Variants in MFHAS1 observed in about 807,000 individuals in gnomAD.
MFHAS1 encodes the protein malignant fibrous histiocytoma-amplified sequence 1.
Under a neutral mutation model 70.4 loss-of-function variants are expected in MFHAS1, and 50 were observed. The observed-to-expected ratio is 0.71, with a 90% CI of 0.57 to 0.90. The LOEUF (loss-of-function observed/expected upper bound fraction) is 0.90. MFHAS1 is among the 40% of genes least tolerant of loss of function. MFHAS1 has a pLI of 0.00. For missense variants in MFHAS1, 1,795 were observed against 1,347.6 expected (o/e 1.33, Z -5.20); for synonymous variants, 952 against 620.0 (o/e 1.54, Z -7.96).
At chr8:8,813,619 T>C (rs916773075) in intron 1 of MFHAS1, among the ~76,000 whole-genome samples, 2 of 152,074 alleles carry the variant, frequency 1.3e-5, no homozygotes, top group Non-Finnish European at 2.9e-5. Context: ...ACTCATACAA[T>C]AAGGATATAA....
intron 2 of MFHAS1, among the ~76,000 whole-genome samples, chr8:8,789,481 G>A (rs888013263): frequency 6.6e-6 from 1 of 152,142 alleles, no homozygotes; most frequent in Non-Finnish European, 1.5e-5. Context: ...CAGCCTGGGG[G>A]GCACCCAGCC....
rs545994972 is a variant in MFHAS1 at position 8,811,916 on chromosome 8, C to T, written c.2999-14425G>A. Among the ~76,000 whole-genome samples the T allele has an allele frequency of 4.6e-5, 7 of 152,284 alleles. No individual in the cohort carries two copies. In the East Asian group the frequency reaches 1.4e-3, roughly 29 times the overall value. The stretch of plus-strand genomic sequence containing the variant: ...CTCTTCTTCCACAGGGTACACAAGT[C>T]ACCACCTAGGAAGCTTCCAGACTTC... On this transcript the variant is annotated intron_variant, in intron 1 of 2. Transcript: ENST00000276282.
chr8:8,819,148 G>C (rs1027549580), intron 1 of MFHAS1, among the ~76,000 whole-genome samples: 5 of 151,972 alleles, frequency 3.3e-5, no homozygotes, highest in Non-Finnish European at 5.9e-5. Context: ...TCAATATTTT[G>C]CAGTGTATAT....
chr8:8,814,550 TG>T (rs1426141142), intron 1 of MFHAS1, among the ~76,000 whole-genome samples: 2 of 152,160 alleles, frequency 1.3e-5, no homozygotes, highest in Non-Finnish European at 2.9e-5. Flanking sequence ...AAGCCTGTCA[TG>T]AAAGTTAAAA....
At chr8:8,875,235 G>C (rs1022832940) in intron 1 of MFHAS1, among the ~76,000 whole-genome samples, 1 of 152,036 alleles carries the variant, frequency 6.6e-6, no homozygotes, top group Non-Finnish European at 1.5e-5. Context: ...AAATAAAAAA[G>C]AGTTTTTATA....
At chr8:8,855,188 G>A (rs1297605784) in intron 1 of MFHAS1, among the ~76,000 whole-genome samples, 2 of 152,190 alleles carry the variant, frequency 1.3e-5, no homozygotes, top group African/African-American at 4.8e-5. Flanking sequence ...CCTGGGCTCA[G>A]GGGATCCACC....
At position 8,891,469 on chromosome 8, in the gene MFHAS1, C is replaced by A; in HGVS notation, c.1590G>T (p.Ala530=). 1.9e-6 allele frequency: 3 copies of A among 1,612,990 alleles called. No homozygotes were observed. The highest frequency in any genetic ancestry group is 2.5e-6 in the Non-Finnish European group (3 of 1,180,024). ...CGTGGGTGCCCACGATGCACACCACCGCGTGGGGCACTCTCGCCCCGACCC... is the reference window on the plus strand; with the variant it reads ...CGTGGGTGCCCACGATGCACACCACAGCGTGGGGCACTCTCGCCCCGACCC... The part of the protein sequence containing the change: ...LHRVGARVPH[A]VVCIVGTHAD... The change falls in exon 1 of 3, where the codon GCG becomes GCT. Residue 530 remains alanine, a synonymous_variant. Transcript: ENST00000276282. The surrounding 1 kb of genome is among the most constrained non-coding windows in gnomAD (Gnocchi z 5.4).
At chr8:8,877,118 G>A (rs990023140) in intron 1 of MFHAS1, among the ~76,000 whole-genome samples, 1 of 151,730 alleles carries the variant, frequency 6.6e-6, no homozygotes, top group African/African-American at 2.4e-5. Flanking sequence ...CAGGCAACGT[G>A]GCAAAATCCT....
At chr8:8,871,993 C>T (rs1809091843) in intron 1 of MFHAS1, among the ~76,000 whole-genome samples, 1 of 152,168 alleles carries the variant, frequency 6.6e-6, no homozygotes, top group Non-Finnish European at 1.5e-5. Flanking sequence ...TGCCCCATTC[C>T]AGAAATGAGC....
intron 1 of MFHAS1, among the ~76,000 whole-genome samples, chr8:8,865,160 C>G (rs918408502): frequency 4.6e-5 from 7 of 151,126 alleles, no homozygotes; most frequent in Admixed American, 6.6e-5. Flanking sequence ...ACCTGTAATC[C>G]CAGTCACTCA....
chr8:8,867,649 C>G (rs987299805), intron 1 of MFHAS1, among the ~76,000 whole-genome samples: 2 of 151,862 alleles, frequency 1.3e-5, no homozygotes, highest in African/African-American at 4.8e-5. Flanking sequence ...GCTCCGCCTC[C>G]CGGGTTCATG....
chr8:8,874,138 G>T (rs1210959393), intron 1 of MFHAS1, among the ~76,000 whole-genome samples: 1 of 152,096 alleles, frequency 6.6e-6, no homozygotes, highest in East Asian at 1.9e-4. Context: ...TCTCAAGAGT[G>T]TTCCGAGCAC....
At chr8:8,820,146 G>C (rs1477856972) in intron 1 of MFHAS1, among the ~76,000 whole-genome samples, 1 of 152,030 alleles carries the variant, frequency 6.6e-6, no homozygotes, top group Non-Finnish European at 1.5e-5. Context: ...AACAGTGCTG[G>C]TTTGAATAAG....
chr8:8,817,339 G>A (rs555617429), intron 1 of MFHAS1, among the ~76,000 whole-genome samples: 16 of 152,158 alleles, frequency 1.1e-4, no homozygotes, highest in Middle Eastern at 3.4e-3. Context: ...GTTAATTGAC[G>A]TCCATTTGTA....
Position 8,788,030 on chromosome 8 carries a change from G to A in MFHAS1, c.3126-1975C>T, listed in dbSNP as rs76158477. On this transcript the variant is annotated intron_variant, in intron 2 of 2. Transcript: ENST00000276282. ...CTTCTTCAAGATCCATCTCAAGTAC[G>A]ACTTCCTGGAACTTTTCCTGATTCT... Among the ~76,000 whole-genome samples, 643 of 152,206 alleles carry A rather than the reference G, an allele frequency of 4.2e-3. 6 individuals are homozygous for A. Among genetic ancestry groups the A allele is most frequent in the African/African-American group, 0.014 (601 of 41,536 alleles).
At chr8:8,855,061 C>G (rs1808385856) in intron 1 of MFHAS1, among the ~76,000 whole-genome samples, 1 of 152,152 alleles carries the variant, frequency 6.6e-6, no homozygotes. Context: ...AGTCGTGGTC[C>G]TCCCTCAGTA....
intron 1 of MFHAS1, among the ~76,000 whole-genome samples, chr8:8,874,139 T>C (rs1285457852): frequency 2.0e-5 from 3 of 152,112 alleles, no homozygotes; most frequent in Non-Finnish European, 4.4e-5. Context: ...CTCAAGAGTG[T>C]TCCGAGCACA....
chr8:8,817,704 G>A (rs557266770), intron 1 of MFHAS1, among the ~76,000 whole-genome samples: 3 of 152,232 alleles, frequency 2.0e-5, no homozygotes, highest in East Asian at 1.9e-4. Context: ...CAGGGATGGC[G>A]GAGGAGGGGG....
rs753696228 is a variant in MFHAS1, at chr8:8,785,994, C to G, written c.*28G>C. 50 of 1,613,364 alleles carry G rather than the reference C, an allele frequency of 3.1e-5. No homozygotes were observed. In the South Asian group the frequency reaches 5.1e-4, roughly 16 times the overall value. ...TCCAGGTGTTCAGATGCTCTCTTTTCTCCATGGAAATTCCACAGCCACAAA... is the reference window on the plus strand; with the variant it reads ...TCCAGGTGTTCAGATGCTCTCTTTTGTCCATGGAAATTCCACAGCCACAAA... On this transcript the variant is annotated 3_prime_UTR_variant, in exon 3 of 3. Coordinates refer to ENST00000276282, the MANE Select transcript of MFHAS1 (RefSeq NM_004225.3).
Sources: allele counts gnomAD v4.1 joint callset (sites outside exome capture counted in the v4.1 genomes callset), GRCh38; gene constraint gnomAD v4.1.1; non-coding constraint Gnocchi (gnomAD v3.1); transcripts MANE v1.5; gene names NCBI Gene and HGNC (gene_info 2026-07-23, HGNC 2026-07-21).